The following MLPH variants were observed in gnomAD, a reference collection of about 807,000 sequenced individuals.
The protein encoded by MLPH is exophilin-3.
Under a neutral mutation model 72.1 loss-of-function variants are expected in MLPH, and 51 were observed. That is an observed-to-expected ratio of 0.71 (90% CI 0.56 to 0.89). MLPH has a LOEUF of 0.89. MLPH is among the 40% of genes least tolerant of loss of function. The pLI, the probability that MLPH is intolerant of heterozygous loss-of-function variation, is 0.00. For missense variants in MLPH, 743 were observed against 759.9 expected, an observed-to-expected ratio of 0.98 and a Z score of 0.26; for synonymous variants, 301 against 310.1, an observed-to-expected ratio of 0.97 and a Z score of 0.31.
Position 237,510,672 on chromosome 2 carries a change from C to T in MLPH, c.209C>T (p.Pro70Leu). 6.2e-7 allele frequency: 1 copy of T among 1,613,778 alleles called. No individual in the cohort carries two copies. Among genetic ancestry groups the T allele is most frequent in the Non-Finnish European group, 8.5e-7 (1 of 1,180,040 alleles). The change falls in exon 3 of 16, where the codon CCC becomes CTC. Residue 70 changes from proline (P) to leucine (L), a missense_variant. Coordinates refer to ENST00000264605, the MANE Select transcript of MLPH (RefSeq NM_024101.7). The surrounding 1 kb of genome is among the most constrained non-coding windows in gnomAD (Gnocchi z 4.4). ...NETHCARCLQ[P>L]YQLLVNSKRQ... ...ACCCACTGCGCCCGCTGCCTGCAGC[C>T]CTACCAGCTGCTTGTGAATAGCAAA...
intron 2 of MLPH, among the ~76,000 whole-genome samples, chr2:237,494,945 C>T (rs2079506173): frequency 6.6e-6 from 1 of 152,204 alleles, no homozygotes; most frequent in Non-Finnish European, 1.5e-5. Context: ...TGCAGTTCTG[C>T]AGGTCAGAGG....
Position 237,501,065 on chromosome 2 carries a change from G to A in MLPH, c.110+7529G>A, listed in dbSNP as rs77693742. ...GATGAAATTCGCCCTCCTCACCCCT[G>A]CTCACCGTGGGACCTCACTCCCTCC... On this transcript the variant is annotated intron_variant, in intron 2 of 15. Coordinates refer to ENST00000264605, the MANE Select transcript of MLPH (RefSeq NM_024101.7). Among the ~76,000 whole-genome samples the A allele has an allele frequency of 2.6e-3, 392 of 152,070 alleles. 2 individuals are homozygous for A. The highest frequency in any genetic ancestry group is 8.8e-3 in the African/African-American group (366 of 41,488).
At chr2:237,516,896 G>A (rs1574858620) in intron 4 of MLPH, among the ~76,000 whole-genome samples, 1 of 131,168 alleles carries the variant, frequency 7.6e-6, no homozygotes, top group East Asian at 2.0e-4. Flanking sequence ...AGGATGGATG[G>A]TAGGATGGAT....
chr2:237,489,356 C>G (rs1435004651), intron 1 of MLPH, among the ~76,000 whole-genome samples: 2 of 152,236 alleles, frequency 1.3e-5, no homozygotes, highest in African/African-American at 4.8e-5. Flanking sequence ...CCTCCCAGTG[C>G]TGTTGCTGCT....
At position 237,512,489 on chromosome 2, in the gene MLPH, G is replaced by A. The variant is rs1312040152; in HGVS notation, c.445+1388G>A. Among the ~76,000 whole-genome samples, 1 of 152,172 alleles carries A rather than the reference G, an allele frequency of 6.6e-6. No homozygotes were observed. Among genetic ancestry groups the A allele is most frequent in the Non-Finnish European group, 1.5e-5 (1 of 68,034 alleles). On this transcript the variant is annotated intron_variant, in intron 4 of 15. Transcript: ENST00000264605. The surrounding 1 kb of genome is among the most constrained non-coding windows in gnomAD (Gnocchi z 5.5). ...CAGGGCATTTTTAAGAGTAAAAGGAGGCTCTACTGATAACATGCTGCAACA... is the reference window on the plus strand; with the variant it reads ...CAGGGCATTTTTAAGAGTAAAAGGAAGCTCTACTGATAACATGCTGCAACA...
At chr2:237,520,112 T>A in intron 6 of MLPH, 83 bp downstream of exon 6, 1 of 1,587,024 alleles carries the variant, frequency 6.3e-7, no homozygotes, top group South Asian at 1.1e-5. Flanking sequence ...GGGACAGCAC[T>A]CTGGAAGCAG....
chr2:237,552,463 G>A (rs1164651452), intron 15 of MLPH, 26 bp downstream of exon 15: 1 of 1,600,842 alleles, frequency 6.2e-7, no homozygotes, highest in Admixed American at 1.7e-5. Context: ...ATTCTCTGAG[G>A]AGTTTTTAAA....
chr2:237,553,151 G>A, intron 15 of MLPH: 1 of 475,026 alleles, frequency 2.1e-6, no homozygotes, highest in South Asian at 1.5e-5. Context: ...CCAATCAGAG[G>A]CTGAAGGGAA....
intron 2 of MLPH, among the ~76,000 whole-genome samples, chr2:237,508,063 T>C (rs1411686940): frequency 6.6e-6 from 1 of 152,184 alleles, no homozygotes; most frequent in African/African-American, 2.4e-5. Context: ...CTCATAACTT[T>C]TAGGGTTTCA....
At chr2:237,518,690 C>A in intron 5 of MLPH, 42 bp downstream of exon 5, 1 of 1,488,566 alleles carries the variant, frequency 6.7e-7, no homozygotes. Flanking sequence ...CACCTCGATT[C>A]CATCCCGCAG....
At chr2:237,521,679 A>G (rs2080185236) in intron 6 of MLPH, among the ~76,000 whole-genome samples, 1 of 152,260 alleles carries the variant, frequency 6.6e-6, no homozygotes, top group East Asian at 1.9e-4. Context: ...GGATTGATAG[A>G]TTCTTTTCTA....
chr2:237,527,603 C>A (rs1316117757), intron 8 of MLPH, 87 bp downstream of exon 8: 1 of 1,539,226 alleles, frequency 6.5e-7, no homozygotes, highest in Non-Finnish European at 9.0e-7. Context: ...AGAGAAATTA[C>A]AGCTTTTAAT....
chr2:237,489,228 A>C lies in MLPH; in HGVS notation c.-25+1791A>C, dbSNP rs898307497. Reference sequence around the variant, plus strand: ...CGGTAGAGACTAGCACTGAGGCTTTAGGTGTAAATGCAGAACTCATGTCCA... The same window carrying C: ...CGGTAGAGACTAGCACTGAGGCTTTCGGTGTAAATGCAGAACTCATGTCCA... On this transcript the variant is annotated intron_variant, in intron 1 of 15. Transcript: ENST00000264605. Among the ~76,000 whole-genome samples the C allele has an allele frequency of 1.3e-5, 2 of 152,246 alleles. 1 individual carries two copies. The highest frequency in any genetic ancestry group is 4.1e-4 in the South Asian group (2 of 4,828).
chr2:237,534,505 G>T, intron 8 of MLPH, 59 bp from the exon 9 acceptor site: 4 of 1,417,132 alleles, frequency 2.8e-6, no homozygotes, highest in Non-Finnish European at 4.0e-6. Flanking sequence ...GGGTGCCAGT[G>T]TCTTGCTGGT....
chr2:237,550,884 G>A (rs143293078), intron 14 of MLPH, among the ~76,000 whole-genome samples: 1 of 152,148 alleles, frequency 6.6e-6, no homozygotes, highest in East Asian at 1.9e-4. Context: ...GACAAGGGGC[G>A]ATTCCTTGTG....
intron 2 of MLPH, among the ~76,000 whole-genome samples, chr2:237,494,875 G>A (rs574577208): frequency 6.6e-6 from 1 of 152,324 alleles, no homozygotes; most frequent in African/African-American, 2.4e-5. Flanking sequence ...TCATTTCTGG[G>A]ACTGCTGCAT....
chr2:237,499,084 G>C (rs545198365), intron 2 of MLPH, among the ~76,000 whole-genome samples: 1 of 144,580 alleles, frequency 6.9e-6, no homozygotes, highest in Non-Finnish European at 1.5e-5. Context: ...CTTCCCGGAG[G>C]GTTTCGTCCA....
At chr2:237,552,565 C>A in intron 15 of MLPH, 128 bp downstream of exon 15, 5 of 784,458 alleles carry the variant, frequency 6.4e-6, no homozygotes, top group Admixed American at 5.1e-5. Flanking sequence ...ACCTGAGAAT[C>A]AAAGCAAAAA....
chr2:237,545,316 G>A (rs976464849), intron 12 of MLPH: 23 of 597,788 alleles, frequency 3.8e-5, no homozygotes, highest in East Asian at 1.3e-4. Context: ...ACACGCCACC[G>A]TGGGCCTGAC....
Sources: allele counts gnomAD v4.1 joint callset (sites outside exome capture counted in the v4.1 genomes callset), GRCh38; gene constraint gnomAD v4.1.1; non-coding constraint Gnocchi (gnomAD v3.1); transcripts MANE v1.5; gene names NCBI Gene and HGNC (gene_info 2026-07-23, HGNC 2026-07-21).